The following ADAM29 variants were observed in gnomAD, a reference collection of about 807,000 sequenced individuals.
The protein encoded by ADAM29 is disintegrin and metalloproteinase domain-containing protein 29.
For synonymous variants in ADAM29, 367 were observed against 342.3 expected, an observed-to-expected ratio of 1.07 and a Z score of -0.80; for missense variants, 969 against 1,001.8, an observed-to-expected ratio of 0.97 and a Z score of 0.44.
chr4:174,968,474 T>C (rs1453883713), intron 4 of ADAM29, among the ~76,000 whole-genome samples: 1 of 152,188 alleles, frequency 6.6e-6, no homozygotes, highest in Non-Finnish European at 1.5e-5. Context: ...TTGTGTACAG[T>C]GTCTCTCTCC....
At chr4:174,930,667 T>G (rs1307212798) in intron 2 of ADAM29, among the ~76,000 whole-genome samples, 1 of 152,160 alleles carries the variant, frequency 6.6e-6, no homozygotes, top group Non-Finnish European at 1.5e-5. Flanking sequence ...GGCCAACTCT[T>G]TTTTTTAAAT....
Position 174,976,387 on chromosome 4 carries a change from C to G in ADAM29, c.862C>G (p.Leu288Val), listed in dbSNP as rs1409851955. 1.9e-6 allele frequency: 3 copies of G among 1,598,672 alleles called. No homozygotes were observed. The highest frequency in any genetic ancestry group is 2.6e-6 in the Non-Finnish European group (3 of 1,174,052). ...CCGGATGCAACATGACACCTCACAT[C>G]TTTTCACAACTCTAGGATTAAGAGG... ...TPRMQHDTSH[L>V]FTTLGLRGLS... The change falls in exon 5 of 5, where the codon CTT becomes GTT. Residue 288 changes from leucine (L) to valine (V), a missense_variant. Transcript: ENST00000359240.
In ADAM29 at chr4:174,934,478, T is replaced by A. The variant is rs80086428; in HGVS notation, c.-261-2455T>A. Among the ~76,000 whole-genome samples the A allele has an allele frequency of 8.9e-3, 1,353 of 152,290 alleles. 6 individuals are homozygous for A. Among genetic ancestry groups the A allele is most frequent in the Non-Finnish European group, 0.014 (951 of 68,010 alleles). On this transcript the variant is annotated intron_variant, in intron 3 of 4. Coordinates refer to ENST00000359240, the MANE Select transcript of ADAM29 (RefSeq NM_014269.4). ...TTTATTTCTATTTTTTAATGTATAA[T>A]CTTATTGTTCAAAACACTTGGGTTT...
intron 2 of ADAM29, among the ~76,000 whole-genome samples, chr4:174,926,544 G>A (rs2110910800): frequency 6.6e-6 from 1 of 151,990 alleles, no homozygotes; most frequent in African/African-American, 2.4e-5. Context: ...GGGGAGGATT[G>A]CTTGAGGCTA....
At chr4:174,947,289 A>G (rs6834818) in intron 4 of ADAM29, among the ~76,000 whole-genome samples, 12 of 151,886 alleles carry the variant, frequency 7.9e-5, no homozygotes, top group African/African-American at 2.4e-4. Flanking sequence ...GTCTTCTGCT[A>G]GCTTTGGGGT....
Position 174,976,519 on chromosome 4 carries a change from C to T in ADAM29, c.994C>T (p.His332Tyr), listed in dbSNP as rs1275038040. Residue 332 changes from histidine to tyrosine, a missense_variant, in exon 5 of 5, where the codon CAT (histidine) becomes TAT (tyrosine). Coordinates refer to ENST00000359240, the MANE Select transcript of ADAM29 (RefSeq NM_014269.4). ...GGGCACTTTTTCAATTGCAGTGGCTCATCATCTAGGTCATAATTTGGGCAT... is the reference window on the plus strand; with the variant it reads ...GGGCACTTTTTCAATTGCAGTGGCTTATCATCTAGGTCATAATTTGGGCAT... Reference protein sequence around the residue: ...TLGTFSIAVAHHLGHNLGMNH... With the variant: ...TLGTFSIAVAYHLGHNLGMNH... 36 of 1,610,006 alleles carry T rather than the reference C, an allele frequency of 2.2e-5. No individual in the cohort carries two copies. Among genetic ancestry groups the T allele is most frequent in the Non-Finnish European group, 3.0e-5 (35 of 1,178,260 alleles).
chr4:174,948,894 A>C (rs539169261), intron 4 of ADAM29, among the ~76,000 whole-genome samples: 1 of 152,120 alleles, frequency 6.6e-6, no homozygotes, highest in African/African-American at 2.4e-5. Flanking sequence ...GCAAAGCAGC[A>C]TCACAAGGAA....
At chr4:174,954,997 G>C (rs1745416309) in intron 4 of ADAM29, among the ~76,000 whole-genome samples, 2 of 151,822 alleles carry the variant, frequency 1.3e-5, no homozygotes, top group South Asian at 4.1e-4. Flanking sequence ...GTATGTTTTA[G>C]ATTTATATCA....
At chr4:174,966,305 A>G (rs1293724946) in intron 4 of ADAM29, among the ~76,000 whole-genome samples, 1 of 152,228 alleles carries the variant, frequency 6.6e-6, no homozygotes, top group African/African-American at 2.4e-5. Flanking sequence ...TTCCATTTTA[A>G]CAGCCGCATG....
At chr4:174,972,476 A>G (rs1391277966) in intron 4 of ADAM29, among the ~76,000 whole-genome samples, 1 of 152,092 alleles carries the variant, frequency 6.6e-6, no homozygotes, top group Non-Finnish European at 1.5e-5. Context: ...TACCATTTCT[A>G]TTAATCTTTT....
intron 4 of ADAM29, among the ~76,000 whole-genome samples, chr4:174,953,155 C>T (rs1304338233): frequency 2.6e-5 from 4 of 151,922 alleles, no homozygotes; most frequent in South Asian, 2.1e-4. Flanking sequence ...GCGTGGTGGC[C>T]GGTGCCTGTA....
chr4:174,919,088 C>A (rs1310744746), intron 1 of ADAM29: 1 of 152,170 alleles, frequency 6.6e-6, no homozygotes, highest in East Asian at 1.9e-4. Flanking sequence ...TTCTACCATA[C>A]TTTGTGGCAT....
intron 4 of ADAM29, among the ~76,000 whole-genome samples, chr4:174,939,518 T>C (rs1744405989): frequency 6.6e-6 from 1 of 152,214 alleles, no homozygotes; most frequent in Non-Finnish European, 1.5e-5. Flanking sequence ...TAAATGCCAT[T>C]TTTATTTTTA....
intron 2 of ADAM29, among the ~76,000 whole-genome samples, chr4:174,924,642 C>A (rs1743389964): frequency 6.6e-6 from 1 of 151,976 alleles, no homozygotes; most frequent in Non-Finnish European, 1.5e-5. Flanking sequence ...AAGAAATGAA[C>A]CATTAAGCAA....
chr4:174,921,074 TCTACAGTAAGAAAA>T, intron 2 of ADAM29, among the ~76,000 whole-genome samples: 1 of 152,238 alleles, frequency 6.6e-6, no homozygotes, highest in African/African-American at 2.4e-5. Flanking sequence ...AGTCTTTGGT[TCTACAGTAAGAAAA>T]CTAGAATAAT....
chr4:174,963,501 A>G (rs1745974376), intron 4 of ADAM29, among the ~76,000 whole-genome samples: 1 of 152,222 alleles, frequency 6.6e-6, no homozygotes, highest in Non-Finnish European at 1.5e-5. Flanking sequence ...AGCAAAAAAA[A>G]GAATGAAGGG....
intron 4 of ADAM29, among the ~76,000 whole-genome samples, chr4:174,965,780 A>ATG (rs1746125337): frequency 6.6e-6 from 1 of 151,556 alleles, no homozygotes. Context: ...GAATCTCATC[A>ATG]TGGGGGCCTT....
chr4:174,942,099 G>T (rs544536194), intron 4 of ADAM29, among the ~76,000 whole-genome samples: 13 of 152,342 alleles, frequency 8.5e-5, no homozygotes, highest in Admixed American at 8.5e-4. Context: ...TGAGGGGTGG[G>T]ATCCCATGGC....
chr4:174,921,444 A>G, intron 2 of ADAM29, among the ~76,000 whole-genome samples: 1 of 152,178 alleles, frequency 6.6e-6, no homozygotes, highest in Admixed American at 6.5e-5. Context: ...ATGGTGCCAA[A>G]GAATTATAAT....
Sources: allele counts gnomAD v4.1 joint callset (sites outside exome capture counted in the v4.1 genomes callset), GRCh38; gene constraint gnomAD v4.1.1; transcripts MANE v1.5; gene names NCBI Gene and HGNC (gene_info 2026-07-23, HGNC 2026-07-21).